TRIM21: variants seen among roughly 807,000 people sequenced by gnomAD.
TRIM21 encodes the protein E3 ubiquitin-protein ligase TRIM21.
Under a neutral mutation model 36.1 loss-of-function variants are expected in TRIM21, and 35 were observed. The observed-to-expected ratio is 0.97, with a 90% CI of 0.74 to 1.28. The LOEUF (loss-of-function observed/expected upper bound fraction) is 1.28, where lower values mean the gene tolerates loss of function less well. TRIM21 is among the 50% of genes most tolerant of loss of function. TRIM21 has a pLI of 0.00. For synonymous variants in TRIM21, 256 were observed against 211.5 expected (o/e 1.21, Z -1.83); for missense variants, 635 against 570.7 (o/e 1.11, Z -1.15).
chr11:4,393,390 G>T (rs890291271), intron 1 of TRIM21, among the ~76,000 whole-genome samples: 13 of 152,152 alleles, frequency 8.5e-5, no homozygotes, highest in African/African-American at 2.9e-4. Context: ...CCCAGGTAGG[G>T]GGCAGCCGGG....
chr11:4,386,116 C>G, intron 6 of TRIM21, 41 bp downstream of exon 6: 1 of 1,590,372 alleles, frequency 6.3e-7, no homozygotes. Flanking sequence ...GGGATCTACT[C>G]TGCACCCCAT....
chr11:4,390,210 C>T lies in TRIM21; in HGVS notation c.200G>A (p.Arg67Gln), dbSNP rs772420632. 50 of 1,613,868 alleles carry T rather than the reference C, an allele frequency of 3.1e-5. No homozygotes were observed. Among genetic ancestry groups the T allele is most frequent in the East Asian group, 6.7e-5 (3 of 44,890 alleles). Residue 67 changes from arginine to glutamine, a missense_variant, in exon 2 of 7, where the codon CGA (arginine) becomes CAA (glutamine). Physicochemically the swap from Arg to Gln is conservative, Grantham distance 43. Transcript: ENST00000254436. Reference protein sequence around the residue: ...RFLLKNLRPNRQLANMVNNLK... With the variant: ...RFLLKNLRPNQQLANMVNNLK... ...GTTGTTCACCATGTTGGCTAGCTGTCGATTGGGCCGGAGATTCTTGAGCAG... is the reference window on the plus strand; with the variant it reads ...GTTGTTCACCATGTTGGCTAGCTGTTGATTGGGCCGGAGATTCTTGAGCAG...
At position 4,386,965 on chromosome 11, in the gene TRIM21, T is replaced by C; in HGVS notation, c.758+3A>G. 1 of 1,583,770 alleles carries C rather than the reference T, an allele frequency of 6.3e-7. No individual in the cohort carries two copies. On this transcript the variant is annotated splice_donor_region_variant and intron_variant, in intron 5 of 6. Transcript: ENST00000254436. ...TCTTCTAACAAAGAAAACTCCTCCT[T>C]ACCTTTCCAGGACAATTATCACCTC...
intron 1 of TRIM21, among the ~76,000 whole-genome samples, chr11:4,392,856 G>A (rs2094964622): frequency 6.6e-6 from 1 of 152,064 alleles, no homozygotes; most frequent in Non-Finnish European, 1.5e-5. Flanking sequence ...ATCTCCTGTC[G>A]GGTACCAACA....
At chr11:4,387,201 C>G (rs1333232868) in intron 4 of TRIM21, among the ~76,000 whole-genome samples, 1 of 151,608 alleles carries the variant, frequency 6.6e-6, no homozygotes, top group Non-Finnish European at 1.5e-5. Flanking sequence ...ATGGATGTGA[C>G]CTATGGCTAG....
chr11:4,385,594 G>C lies in TRIM21; in HGVS notation c.1119C>G (p.Ser373=), dbSNP rs764916305. The change falls in exon 7 of 7, where the codon TCC becomes TCG. Residue 373 remains serine, a synonymous_variant. Transcript: ENST00000254436. The part of the protein sequence containing the change: ...VRRKGHFLLS[S]KSGFWTIWLW... ...ACCAAATTGTCCAGAAGCCACTCTT[G>C]GAACTAAGCAAAAAGTGCCCCTTCC... The C allele has an allele frequency of 1.2e-6, 2 of 1,612,912 alleles. No homozygotes were observed. The highest frequency in any genetic ancestry group is 2.2e-5 in the South Asian group (2 of 90,780).
At chr11:4,388,617 C>T in intron 3 of TRIM21, 87 bp from the exon 4 acceptor site, 1 of 1,256,334 alleles carries the variant, frequency 8.0e-7, no homozygotes. Flanking sequence ...ATTCCTATCC[C>T]CAAGAGACTC....
chr11:4,387,140 C>A (rs1475007411), intron 4 of TRIM21, 150 bp from the exon 5 acceptor site: 2 of 761,724 alleles, frequency 2.6e-6, no homozygotes, highest in Non-Finnish European at 4.2e-6. Context: ...TTCTGACCAG[C>A]TCAAAGCAGA....
chr11:4,388,879 G>A (rs2094959568), intron 3 of TRIM21, among the ~76,000 whole-genome samples: 1 of 139,072 alleles, frequency 7.2e-6, no homozygotes, highest in South Asian at 2.1e-4. Context: ...CTGTCTCAGT[G>A]AGTTACTGAG....
rs180770489 is a variant in TRIM21 at position 4,388,132 on chromosome 11, C to T, written c.735+168G>A. On this transcript the variant is annotated intron_variant, in intron 4 of 6. Coordinates refer to ENST00000254436, the MANE Select transcript of TRIM21 (RefSeq NM_003141.4). Reference sequence around the variant, plus strand: ...TTTAAAAAGGTCCTGTACTTATTTTCATCTTTACTTTGCGTCTTGAACGCG... The same window carrying T: ...TTTAAAAAGGTCCTGTACTTATTTTTATCTTTACTTTGCGTCTTGAACGCG... Among the ~76,000 whole-genome samples the T allele has an allele frequency of 1.8e-3, 276 of 152,354 alleles. 1 individual carries two copies. Among genetic ancestry groups the T allele is most frequent in the Non-Finnish European group, 3.2e-3 (218 of 68,026 alleles).
intron 5 of TRIM21, 184 bp from the exon 6 acceptor site, chr11:4,386,441 G>GAAA: frequency 1.5e-6 from 1 of 656,242 alleles, no homozygotes; most frequent in Admixed American, 2.2e-5. Context: ...CTACCCAGGA[G>GAAA]TTCCTGGTTA....
chr11:4,386,046 G>C, intron 6 of TRIM21, 111 bp downstream of exon 6: 1 of 1,159,182 alleles, frequency 8.6e-7, no homozygotes, highest in East Asian at 2.5e-5. Context: ...CTCCATCTCT[G>C]TTCCCCCTGC....
chr11:4,385,907 G>A, intron 6 of TRIM21, 54 bp from the exon 7 acceptor site: 2 of 1,492,606 alleles, frequency 1.3e-6, no homozygotes, highest in East Asian at 2.4e-5. Flanking sequence ...CACTAAGTCT[G>A]TGCCTGTGGT....
chr11:4,387,745 C>T (rs1488631810), intron 4 of TRIM21, among the ~76,000 whole-genome samples: 7 of 152,006 alleles, frequency 4.6e-5, no homozygotes, highest in South Asian at 4.1e-4. Flanking sequence ...GCAGGAGAAT[C>T]GCTTGAACCC....
rs577581987 is a variant in TRIM21 at position 4,385,335 on chromosome 11, G to C, written c.1378C>G (p.Leu460Val). Residue 460 changes from leucine (L) to valine (V), a missense_variant, in exon 7 of 7, where the codon CTA (leucine) becomes GTA (valine). Leu to Val is a conservative substitution (Grantham distance 32, BLOSUM62 1). Transcript: ENST00000254436. ...CCAATATTCAGTGGACAGAGGGTTA[G>C]AGGGGCTGTGTTTTTTCCTCCATCA... ...FNDGGKNTAPLTLCPLNIGSQ... is the reference protein window; with the variant it reads ...FNDGGKNTAPVTLCPLNIGSQ... 6.2e-7 allele frequency: 1 copy of C among 1,613,450 alleles called. No individual in the cohort carries two copies. The highest frequency in any genetic ancestry group is 8.5e-7 in the Non-Finnish European group (1 of 1,179,888).
At chr11:4,387,851 A>G (rs1388165223) in intron 4 of TRIM21, among the ~76,000 whole-genome samples, 2 of 152,072 alleles carry the variant, frequency 1.3e-5, no homozygotes, top group Admixed American at 1.3e-4. Context: ...TAAATAAATA[A>G]ATAAATAGAA....
At chr11:4,392,597 A>G (rs1268412775) in intron 1 of TRIM21, among the ~76,000 whole-genome samples, 2 of 118,080 alleles carry the variant, frequency 1.7e-5, no homozygotes, top group Admixed American at 1.6e-4. Context: ...CAAGGCATAA[A>G]ATTAATGGCA....
At chr11:4,392,302 C>T (rs2094963915) in intron 1 of TRIM21, among the ~76,000 whole-genome samples, 1 of 152,116 alleles carries the variant, frequency 6.6e-6, no homozygotes, top group Non-Finnish European at 1.5e-5. Flanking sequence ...CACGGTGGCT[C>T]ACACCTGTAA....
chr11:4,388,902 TG>T (rs2094959597), intron 3 of TRIM21, among the ~76,000 whole-genome samples: 1 of 152,134 alleles, frequency 6.6e-6, no homozygotes, highest in East Asian at 1.9e-4. Context: ...AAAAATCACC[TG>T]TTCCCACCTC....
Sources: allele counts gnomAD v4.1 joint callset (sites outside exome capture counted in the v4.1 genomes callset), GRCh38; gene constraint gnomAD v4.1.1; transcripts MANE v1.5; gene names NCBI Gene and HGNC (gene_info 2026-07-23, HGNC 2026-07-21).